The following DGKH variants were observed in gnomAD, a reference collection of about 807,000 sequenced individuals.
DGKH encodes DAG kinase eta.
In DGKH, 90 loss-of-function variants were observed where a neutral mutation model predicts 159.3. The ratio of observed to expected loss-of-function variants is 0.57; its 90% CI spans 0.48 to 0.67. The LOEUF is 0.67. Among genes scored for constraint, DGKH ranks in the 30% least tolerant of loss-of-function variants. DGKH has a pLI of 0.00. For synonymous variants in DGKH, 536 were observed against 553.8 expected (o/e 0.97, Z 0.45); for missense variants, 1,181 against 1,506.1 (o/e 0.78, Z 3.57).
intron 14 of DGKH, among the ~76,000 whole-genome samples, chr13:42,187,413 G>A (rs1866487197): frequency 6.6e-6 from 1 of 152,058 alleles, no homozygotes; most frequent in Admixed American, 6.5e-5. Context: ...GTCTTGCTCT[G>A]TCACCCAGGC....
chr13:42,181,017 T>C (rs185750318), intron 13 of DGKH, among the ~76,000 whole-genome samples: 56 of 151,928 alleles, frequency 3.7e-4, no homozygotes, highest in Admixed American at 2.5e-3. Flanking sequence ...TGGCTCACGC[T>C]TGTAATCCCA....
intron 1 of DGKH, among the ~76,000 whole-genome samples, chr13:42,100,284 A>T (rs1954628420): frequency 6.6e-6 from 1 of 152,188 alleles, no homozygotes; most frequent in Non-Finnish European, 1.5e-5. Context: ...ACTGTCTCCC[A>T]TCAGCCCCAG....
intron 21 of DGKH, among the ~76,000 whole-genome samples, chr13:42,208,214 A>G (rs923929084): frequency 6.6e-6 from 1 of 152,216 alleles, no homozygotes; most frequent in African/African-American, 2.4e-5. Flanking sequence ...ATTTTCAGTG[A>G]AAGTTTTAAT....
chr13:42,181,543 T>C, intron 13 of DGKH: 1 of 221,760 alleles, frequency 4.5e-6, no homozygotes, highest in South Asian at 5.4e-5. Context: ...ACCCTAGTTC[T>C]GGGAACACTC....
rs539200196 is a variant in DGKH at position 42,134,263 on chromosome 13, T to C, written c.384+4631T>C. 1.7e-3 allele frequency among the ~76,000 whole-genome samples: 255 copies of C among 152,302 alleles called. 1 individual carries two copies. The highest frequency in any genetic ancestry group is 3.0e-3 in the Non-Finnish European group (206 of 68,026). ...TATTCAATTGGTATGAATGAGTCACTAAGGCCAGCCAGGCTTCAAGGGGGG... is the reference window on the plus strand; with the variant it reads ...TATTCAATTGGTATGAATGAGTCACCAAGGCCAGCCAGGCTTCAAGGGGGG... On this transcript the variant is annotated intron_variant, in intron 3 of 29. Coordinates refer to ENST00000337343, the MANE Select transcript of DGKH (RefSeq NM_178009.5).
rs1218473935 is a variant in DGKH, at chr13:42,242,352, A to G, written c.*13164A>G. Reference sequence around the variant, plus strand: ...GAAACTAAGCACTTGTGTCTGAAAGATGCAGATAATATCTATCTATTTATT... The same window carrying G: ...GAAACTAAGCACTTGTGTCTGAAAGGTGCAGATAATATCTATCTATTTATT... On this transcript the variant is annotated 3_prime_UTR_variant, in exon 30 of 30. Coordinates refer to ENST00000337343, the MANE Select transcript of DGKH (RefSeq NM_178009.5). 6.6e-6 allele frequency: 1 copy of G among 152,244 alleles called. No individual in the cohort carries two copies. Among genetic ancestry groups the G allele is most frequent in the Non-Finnish European group, 1.5e-5 (1 of 68,042 alleles). 9.4% of individuals were successfully genotyped at this position (152,244 alleles called of 1,614,324 possible). A position where few individuals can be genotyped will look rare whatever the true frequency, so the allele number is the denominator to read the frequency against.
Position 42,230,295 on chromosome 13 carries a change from G to A in DGKH, c.*1107G>A, listed in dbSNP as rs537206415. The stretch of plus-strand genomic sequence containing the variant: ...CGCTCTCTACAGTGACTTCTGACAC[G>A]ATCTTCCAAACAGAAGGGATTTAAA... On this transcript the variant is annotated 3_prime_UTR_variant, in exon 30 of 30. Coordinates refer to ENST00000337343, the MANE Select transcript of DGKH (RefSeq NM_178009.5). 1.3e-5 allele frequency: 2 copies of A among 152,178 alleles called. No individual in the cohort carries two copies. Among genetic ancestry groups the A allele is most frequent in the South Asian group, 2.1e-4 (1 of 4,810 alleles). The allele number at this position is 152,178 out of a possible 1,614,324, so 9.4% of individuals were successfully genotyped here.
intron 1 of DGKH, among the ~76,000 whole-genome samples, chr13:42,111,829 G>T (rs1269119834): frequency 6.6e-6 from 1 of 152,218 alleles, no homozygotes; most frequent in African/African-American, 2.4e-5. Context: ...TGCACAGGCT[G>T]CAGCATAACT....
rs902565702 is a variant in DGKH at position 42,239,593 on chromosome 13, C to T, written c.*10405C>T. On this transcript the variant is annotated 3_prime_UTR_variant, in exon 30 of 30. Transcript: ENST00000337343. Reference sequence around the variant, plus strand: ...TTGATTTCATTGCTGCCTTTCAGGCCTTCATCATACAAACCCTCACCATTT... The same window carrying T: ...TTGATTTCATTGCTGCCTTTCAGGCTTTCATCATACAAACCCTCACCATTT... 6.6e-6 allele frequency: 1 copy of T among 152,326 alleles called. No individual in the cohort carries two copies. Among genetic ancestry groups the T allele is most frequent in the African/African-American group, 2.4e-5 (1 of 41,384 alleles). 9.4% of individuals were successfully genotyped at this position (152,326 alleles called of 1,614,324 possible).
At chr13:42,190,611 A>C (rs1370028722) in intron 16 of DGKH, 86 bp downstream of exon 16, 6 of 1,345,376 alleles carry the variant, frequency 4.5e-6, no homozygotes, top group Non-Finnish European at 6.0e-6. Flanking sequence ...AGTTTGAAAA[A>C]AACTATTTGT....
In DGKH at chr13:42,232,917, C is replaced by G. The variant is rs1213014116; in HGVS notation, c.*3729C>G. 1 of 152,146 alleles carries G rather than the reference C, an allele frequency of 6.6e-6. No homozygotes were observed. Among genetic ancestry groups the G allele is most frequent in the East Asian group, 1.9e-4 (1 of 5,192 alleles). The allele number at this position is 152,146 out of a possible 1,614,324, so 9.4% of individuals were successfully genotyped here. On this transcript the variant is annotated 3_prime_UTR_variant, in exon 30 of 30. Coordinates refer to ENST00000337343, the MANE Select transcript of DGKH (RefSeq NM_178009.5). Reference sequence around the variant, plus strand: ...GCTTAGGAGGGAAGATGGCTTCAGGCCAGGAGTTTGAGACCAGCCTCGGCA... The same window carrying G: ...GCTTAGGAGGGAAGATGGCTTCAGGGCAGGAGTTTGAGACCAGCCTCGGCA...
rs1216912250 is a variant in DGKH, at chr13:42,242,318, G to C, written c.*13130G>C. 6.6e-6 allele frequency: 1 copy of C among 152,174 alleles called. No individual in the cohort carries two copies. The highest frequency in any genetic ancestry group is 1.5e-5 in the Non-Finnish European group (1 of 68,026). 9.4% of individuals were successfully genotyped at this position (152,174 alleles called of 1,614,324 possible). A position where few individuals can be genotyped will look rare whatever the true frequency, so the allele number is the denominator to read the frequency against. ...GTTAGGAATTTACTACATTTTGGTA[G>C]TCTGTTTTGAAACTAAGCACTTGTG... On this transcript the variant is annotated 3_prime_UTR_variant, in exon 30 of 30. Coordinates refer to ENST00000337343, the MANE Select transcript of DGKH (RefSeq NM_178009.5).
At chr13:42,077,513 C>T in intron 1 of DGKH, among the ~76,000 whole-genome samples, 2 of 152,034 alleles carry the variant, frequency 1.3e-5, no homozygotes. Flanking sequence ...AAAAAAGGAT[C>T]AATAGTATGG....
chr13:42,171,084 TGTA>T (rs1181720053), intron 11 of DGKH, among the ~76,000 whole-genome samples: 11 of 152,286 alleles, frequency 7.2e-5, no homozygotes, highest in Non-Finnish European at 1.3e-4. Context: ...AAGATGAAAA[TGTA>T]GTTTTCTGGA....
At chr13:42,072,356 T>A (rs1247115018) in intron 1 of DGKH, among the ~76,000 whole-genome samples, 1 of 152,196 alleles carries the variant, frequency 6.6e-6, no homozygotes, top group Non-Finnish European at 1.5e-5. Context: ...GGACAATCAA[T>A]GTACCTACCT....
rs1958350450 is a variant in DGKH at position 42,233,517 on chromosome 13, A to G, written c.*4329A>G. The G allele has an allele frequency of 6.6e-6, 1 of 152,222 alleles. No individual in the cohort carries two copies. Among genetic ancestry groups the G allele is most frequent in the Non-Finnish European group, 1.5e-5 (1 of 68,036 alleles). 9.4% of individuals were successfully genotyped at this position (152,222 alleles called of 1,614,324 possible). A position where few individuals can be genotyped will look rare whatever the true frequency, so the allele number is the denominator to read the frequency against. On this transcript the variant is annotated 3_prime_UTR_variant, in exon 30 of 30. Coordinates refer to ENST00000337343, the MANE Select transcript of DGKH (RefSeq NM_178009.5). ...TTCCTTCATCCACTGTGTCCTATTC[A>G]TTCTTCAGCTAACTCCAGCAATGAG... is the stretch of plus-strand genomic sequence containing the variant.
chr13:42,158,065 A>T (rs1169717978), intron 5 of DGKH, among the ~76,000 whole-genome samples: 1 of 152,194 alleles, frequency 6.6e-6, no homozygotes, highest in African/African-American at 2.4e-5. Flanking sequence ...GGCCTAGACG[A>T]ATATTTTTCA....
chr13:42,121,929 C>G (rs961185268), intron 1 of DGKH, among the ~76,000 whole-genome samples: 3 of 152,166 alleles, frequency 2.0e-5, no homozygotes, highest in Non-Finnish European at 4.4e-5. Flanking sequence ...CTCAAGAGTT[C>G]TTTACACAGC....
intron 7 of DGKH, among the ~76,000 whole-genome samples, chr13:42,162,577 G>A (rs1047512851): frequency 2.0e-5 from 3 of 152,136 alleles, no homozygotes; most frequent in African/African-American, 7.2e-5. Flanking sequence ...GCCAAGGCGG[G>A]TGGATCATCT....
Sources: allele counts gnomAD v4.1 joint callset (sites outside exome capture counted in the v4.1 genomes callset), GRCh38; gene constraint gnomAD v4.1.1; transcripts MANE v1.5; gene names NCBI Gene and HGNC (gene_info 2026-07-23, HGNC 2026-07-21).